The following TAF4 variants were observed in gnomAD, a reference collection of about 807,000 sequenced individuals.
TAF4 encodes TATA-box binding protein associated factor 4, also known as transcription initiation factor TFIID subunit 4.
A neutral mutation model predicts 90.3 loss-of-function variants in TAF4; 9 were observed. That is an observed-to-expected ratio of 0.10 (90% CI 0.06 to 0.17). TAF4 has a LOEUF of 0.17. TAF4 is among the 10% of genes least tolerant of loss of function. The pLI, the probability that TAF4 is intolerant of heterozygous loss-of-function variation, is 1.00. For synonymous variants in TAF4, 818 were observed against 638.9 expected, an observed-to-expected ratio of 1.28 and a Z score of -4.23; for missense variants, 1,351 against 1,370.7, an observed-to-expected ratio of 0.99 and a Z score of 0.23.
At chr20:62,028,476 T>C (rs2055886275) in intron 1 of TAF4, among the ~76,000 whole-genome samples, 1 of 152,150 alleles carries the variant, frequency 6.6e-6, no homozygotes, top group Non-Finnish European at 1.5e-5. Flanking sequence ...CACAGAGGGC[T>C]GACGTTTTGC....
chr20:62,000,065 C>T (rs1200100330), intron 11 of TAF4, 59 bp downstream of exon 11: 2 of 1,612,652 alleles, frequency 1.2e-6, no homozygotes, highest in Admixed American at 1.7e-5. Flanking sequence ...AGGCTCCCAG[C>T]CAGCAGAGAG....
rs2055744890 is a variant in TAF4 at position 62,006,334 on chromosome 20, G to A, written c.2223+176C>T. On this transcript the variant is annotated intron_variant, in intron 7 of 14. Transcript: ENST00000252996. The surrounding 1 kb of genome is among the most constrained non-coding windows in gnomAD (Gnocchi z 7.0). ...TACTGAGACAAAATACAACATCCCAGGGCCTCAACCTCTGGTTTCTATTTT... is the reference window on the plus strand; with the variant it reads ...TACTGAGACAAAATACAACATCCCAAGGCCTCAACCTCTGGTTTCTATTTT... 1 of 876,522 alleles carries A rather than the reference G, an allele frequency of 1.1e-6. No individual in the cohort carries two copies. The allele number at this position is 876,522 out of a possible 1,614,324, so 54.3% of individuals were successfully genotyped here.
At chr20:61,983,764 T>G (rs2123098989) in intron 14 of TAF4, among the ~76,000 whole-genome samples, 1 of 152,214 alleles carries the variant, frequency 6.6e-6, no homozygotes, top group South Asian at 2.1e-4. Flanking sequence ...AACTCACCTA[T>G]TAAAAGAGAA....
intron 1 of TAF4, among the ~76,000 whole-genome samples, chr20:62,049,695 G>A (rs2056015310): frequency 2.6e-5 from 2 of 75,904 alleles, no homozygotes; most frequent in African/African-American, 5.3e-5. Context: ...CAACTCCCCA[G>A]CAGTCCACAG....
intron 2 of TAF4, among the ~76,000 whole-genome samples, chr20:62,013,667 T>C (rs950343519): frequency 6.6e-6 from 1 of 152,240 alleles, no homozygotes; most frequent in Non-Finnish European, 1.5e-5. Flanking sequence ...GATCAAGTCA[T>C]TCCAGTCTTC....
At chr20:62,020,112 T>C (rs2055834271) in intron 1 of TAF4, among the ~76,000 whole-genome samples, 1 of 152,176 alleles carries the variant, frequency 6.6e-6, no homozygotes, top group South Asian at 2.1e-4. Context: ...CATGTTCACC[T>C]CTGCCAAACC....
chr20:62,064,500 C>G lies in TAF4; in HGVS notation c.1311G>C (p.Pro437=). Reference sequence around the variant, plus strand: ...TGTTGGTCGGGTTCTGAGGCGGCTGCGGCAAGCGGGGGGCCAGCACGGTGG... The same window carrying G: ...TGTTGGTCGGGTTCTGAGGCGGCTGGGGCAAGCGGGGGGCCAGCACGGTGG... ...LTPTVLAPRL[P]QPPQNPTNIQ... is the part of the protein sequence containing the mutation. The change falls in exon 1 of 15, where the codon CCG becomes CCC. Residue 437 remains proline, a synonymous_variant. Transcript: ENST00000252996. The G allele has an allele frequency of 6.6e-7, 1 of 1,516,492 alleles. No homozygotes were observed. The highest frequency in any genetic ancestry group is 8.8e-7 in the Non-Finnish European group (1 of 1,133,774). The allele number at this position is 1,516,492 out of a possible 1,614,324, so 93.9% of individuals were successfully genotyped here.
intron 9 of TAF4, among the ~76,000 whole-genome samples, chr20:62,000,946 G>A (rs970077606): frequency 4.6e-5 from 7 of 152,274 alleles, no homozygotes; most frequent in South Asian, 2.1e-4. Context: ...GTGAGTTGGC[G>A]CCGGGTTAAC....
Position 62,000,055 on chromosome 20 carries a change from A to C in TAF4, c.2787+69T>G, listed in dbSNP as rs2055689334. The C allele has an allele frequency of 1.9e-6, 3 of 1,605,782 alleles. No homozygotes were observed. In the African/African-American group the frequency reaches 4.0e-5, roughly 21 times the overall value. ...CGCCCTCTGCCTCGGTGTGGGGAGG[A>C]GGCTCCCAGCCAGCAGAGAGTGGGG... On this transcript the variant is annotated intron_variant, in intron 11 of 14. Transcript: ENST00000252996.
chr20:62,027,722 T>G (rs1001274187), intron 1 of TAF4, among the ~76,000 whole-genome samples: 1 of 152,268 alleles, frequency 6.6e-6, no homozygotes, highest in African/African-American at 2.4e-5. Context: ...TCATTAACTT[T>G]ACCTCACAAA....
intron 1 of TAF4, among the ~76,000 whole-genome samples, chr20:62,033,434 C>T (rs2055915146): frequency 6.6e-6 from 1 of 152,158 alleles, no homozygotes; most frequent in Admixed American, 6.5e-5. Flanking sequence ...CAGAAAGCAA[C>T]TTCAGAAAAT....
intron 14 of TAF4, among the ~76,000 whole-genome samples, chr20:61,982,644 A>AC (rs147634297): frequency 0.1 from 1,477 of 14,216 alleles, 56 homozygotes; most frequent in East Asian, 0.16. Context: ...CCAAACCCAC[A>AC]CCCACCCGAG....
chr20:62,011,212 C>T (rs1387700736), intron 3 of TAF4, among the ~76,000 whole-genome samples: 2 of 151,746 alleles, frequency 1.3e-5, no homozygotes, highest in Admixed American at 1.3e-4. Flanking sequence ...TTTTTTTTAA[C>T]TGAAAAACAT....
At chr20:62,014,395 C>A in intron 2 of TAF4, 152 bp downstream of exon 2, 4 of 1,080,890 alleles carry the variant, frequency 3.7e-6, no homozygotes, top group Non-Finnish European at 3.8e-6. Context: ...CCGGGCCCAT[C>A]CTAGATGGGA....
intron 1 of TAF4, among the ~76,000 whole-genome samples, chr20:62,035,824 G>A (rs2145497362): frequency 6.6e-6 from 1 of 152,200 alleles, no homozygotes; most frequent in South Asian, 2.1e-4. Flanking sequence ...CAAAGGAACA[G>A]TAACCAGAAT....
At chr20:62,064,173 C>CT (rs2056106884) in intron 1 of TAF4, 1 of 367,218 alleles carries the variant, frequency 2.7e-6, no homozygotes, top group African/African-American at 2.1e-5. Flanking sequence ...AGAGTCCTGG[C>CT]TGAGCCACTC....
chr20:62,033,127 C>T (rs887467648), intron 1 of TAF4, among the ~76,000 whole-genome samples: 1 of 152,116 alleles, frequency 6.6e-6, no homozygotes, highest in Admixed American at 6.5e-5. Flanking sequence ...AGAGGGCCAC[C>T]CACAGGAGAA....
intron 14 of TAF4, among the ~76,000 whole-genome samples, chr20:61,996,980 A>T (rs994123954): frequency 1.3e-5 from 2 of 152,174 alleles, no homozygotes; most frequent in Admixed American, 1.3e-4. Flanking sequence ...GAGATGGCAA[A>T]TAAGGAGGGA....
At chr20:61,987,766 G>A (rs569423518) in intron 14 of TAF4, among the ~76,000 whole-genome samples, 33 of 152,222 alleles carry the variant, frequency 2.2e-4, no homozygotes, top group Non-Finnish European at 1.9e-4. Context: ...GAAATCCTGC[G>A]CACAGATGTT....
Sources: allele counts gnomAD v4.1 joint callset (sites outside exome capture counted in the v4.1 genomes callset), GRCh38; gene constraint gnomAD v4.1.1; non-coding constraint Gnocchi (gnomAD v3.1); transcripts MANE v1.5; gene names NCBI Gene and HGNC (gene_info 2026-07-23, HGNC 2026-07-21).